KAT6B: variants seen among roughly 807,000 people sequenced by gnomAD.
The protein encoded by KAT6B is lysine acetyltransferase 6B.
In KAT6B, 10 loss-of-function variants were observed where a neutral mutation model predicts 187.5. That is an observed-to-expected ratio of 0.05 (90% CI 0.03 to 0.09). KAT6B has a LOEUF of 0.09. Ranked by LOEUF, KAT6B falls within the 10% of genes least tolerant of loss-of-function variation. The pLI, the probability that KAT6B is intolerant of heterozygous loss-of-function variation, is 1.00. For synonymous variants in KAT6B, 861 were observed against 926.8 expected (o/e 0.93, Z 1.29); for missense variants, 1,952 against 2,558.9 (o/e 0.76, Z 5.12).
At chr10:74,996,537 G>A (rs765049801) in intron 13 of KAT6B, among the ~76,000 whole-genome samples, 22 of 152,010 alleles carry the variant, frequency 1.4e-4, no homozygotes, top group Non-Finnish European at 2.6e-4. Flanking sequence ...GTGGGAGGCC[G>A]AGGCAGGCAG....
chr10:74,982,017 A>G, intron 11 of KAT6B, 89 bp downstream of exon 11: 1 of 1,223,436 alleles, frequency 8.2e-7, no homozygotes. Context: ...TAGAAGGTAC[A>G]AAGTATACTT....
chr10:74,981,557 A>G, intron 10 of KAT6B, among the ~76,000 whole-genome samples: 1 of 152,048 alleles, frequency 6.6e-6, no homozygotes, highest in East Asian at 1.9e-4. Flanking sequence ...CATTTTTAGT[A>G]GTGATGAGGT....
Position 74,842,701 on chromosome 10 carries a change from C to T in KAT6B, c.-157C>T. ...ATTGCCTGTTTGTCTGCTTTTGAAT[C>T]TCTTAAGGATGGATGTTTGTAAGAT... On this transcript the variant is annotated 5_prime_UTR_variant, in exon 3 of 18. Transcript: ENST00000287239. The T allele has an allele frequency of 1.2e-6, 1 of 806,670 alleles. No individual in the cohort carries two copies. The allele number at this position is 806,670 out of a possible 1,614,324, so 50.0% of individuals were successfully genotyped here.
intron 17 of KAT6B, 33 bp downstream of exon 17, chr10:75,025,282 G>C (rs1038407488): frequency 6.2e-6 from 10 of 1,608,900 alleles, no homozygotes; most frequent in Non-Finnish European, 8.5e-6. Flanking sequence ...CCTTACCCTT[G>C]AGAATGTCTG....
rs1486972508 is a variant in KAT6B at position 74,842,680 on chromosome 10, C to G, written c.-178C>G. On this transcript the variant is annotated 5_prime_UTR_variant, in exon 3 of 18. Transcript: ENST00000287239. ...TAAAATAAGACAACCATCAACATTG[C>G]CTGTTTGTCTGCTTTTGAATCTCTT... 2 of 690,932 alleles carry G rather than the reference C, an allele frequency of 2.9e-6. No homozygotes were observed. The highest frequency in any genetic ancestry group is 5.0e-6 in the Non-Finnish European group (2 of 400,924). The allele number at this position is 690,932 out of a possible 1,614,324, so 42.8% of individuals were successfully genotyped here. A position where few individuals can be genotyped will look rare whatever the true frequency, so the allele number is the denominator to read the frequency against.
chr10:74,895,960 GTTT>G (rs911440222), intron 3 of KAT6B, among the ~76,000 whole-genome samples: 13 of 150,606 alleles, frequency 8.6e-5, no homozygotes, highest in South Asian at 8.4e-4. Flanking sequence ...TGTTGTTGTT[GTTT>G]TTTTTTGCCT....
intron 3 of KAT6B, among the ~76,000 whole-genome samples, chr10:74,856,826 A>G (rs573857113): frequency 1.3e-5 from 2 of 152,252 alleles, no homozygotes; most frequent in African/African-American, 4.8e-5. Flanking sequence ...GCTTGAATCC[A>G]GGAGATGGAG....
rs753128628 is a variant in KAT6B at position 74,975,557 on chromosome 10, C to G, written c.1220C>G (p.Pro407Arg). Residue 407 changes from proline (P) to arginine (R), a missense_variant, in exon 8 of 18, where the codon CCT (proline) becomes CGT (arginine). Pro to Arg is a moderately radical substitution (Grantham distance 103). This residue lies in a region of KAT6B where 417 missense variants were observed against 508.9 expected (regional missense o/e 0.82). Transcript: ENST00000287239. ...SRLAVTDPTR[P>R]GATTKITTTS... ...TTGGCTGTTACAGACCCCACTCGGCCTGGTGCCACCACCAAAATCACCACC... is the reference window on the plus strand; with the variant it reads ...TTGGCTGTTACAGACCCCACTCGGCGTGGTGCCACCACCAAAATCACCACC... 11 of 1,613,916 alleles carry G rather than the reference C, an allele frequency of 6.8e-6. No individual in the cohort carries two copies. Among genetic ancestry groups the G allele is most frequent in the Non-Finnish European group, 8.5e-6 (10 of 1,180,032 alleles).
chr10:74,960,292 T>C (rs1416726297), intron 4 of KAT6B, among the ~76,000 whole-genome samples: 2 of 152,170 alleles, frequency 1.3e-5, no homozygotes, highest in African/African-American at 4.8e-5. Flanking sequence ...TATAATACTA[T>C]ACATATTTAT....
chr10:74,908,955 GA>G (rs1305745159), intron 3 of KAT6B, among the ~76,000 whole-genome samples: 1 of 152,166 alleles, frequency 6.6e-6, no homozygotes, highest in African/African-American at 2.4e-5. Flanking sequence ...TTTGGTCTCT[GA>G]ACCAAGGTTT....
chr10:74,850,987 C>G (rs548137087), intron 3 of KAT6B, among the ~76,000 whole-genome samples: 13 of 152,198 alleles, frequency 8.5e-5, no homozygotes, highest in African/African-American at 3.1e-4. Flanking sequence ...CTTTCAGTAT[C>G]AAGTAGGGCT....
intron 1 of KAT6B, among the ~76,000 whole-genome samples, chr10:74,833,351 C>T (rs1430314821): frequency 6.6e-6 from 1 of 151,976 alleles, no homozygotes; most frequent in Non-Finnish European, 1.5e-5. Flanking sequence ...ATCAGTGTAC[C>T]CTGGCTCCAA....
chr10:74,868,769 C>T (rs1843715477), intron 3 of KAT6B, among the ~76,000 whole-genome samples: 1 of 152,170 alleles, frequency 6.6e-6, no homozygotes, highest in Non-Finnish European at 1.5e-5. Flanking sequence ...TTTATATATG[C>T]TCTTTCATTT....
intron 10 of KAT6B, among the ~76,000 whole-genome samples, chr10:74,981,352 T>TTTC (rs1554836831): frequency 9.2e-4 from 100 of 108,606 alleles, no homozygotes; most frequent in African/African-American, 4.6e-3. Context: ...TCTTCCTTTC[T>TTTC]TTCCTTTCTT....
intron 3 of KAT6B, among the ~76,000 whole-genome samples, chr10:74,868,495 C>T (rs937021344): frequency 6.6e-6 from 1 of 152,230 alleles, no homozygotes; most frequent in South Asian, 2.1e-4. Flanking sequence ...TTATCTTGAG[C>T]TGATCCTTTT....
chr10:74,875,732 C>G (rs1370117161), intron 3 of KAT6B, among the ~76,000 whole-genome samples: 1 of 152,180 alleles, frequency 6.6e-6, no homozygotes, highest in Non-Finnish European at 1.5e-5. Flanking sequence ...TCCCAGAGTG[C>G]TGGGATTACA....
chr10:74,910,604 C>A (rs1310499992), intron 3 of KAT6B, among the ~76,000 whole-genome samples: 2 of 147,438 alleles, frequency 1.4e-5, no homozygotes, highest in African/African-American at 2.7e-5. Flanking sequence ...TTTCTTCTTT[C>A]ACATTTTTTC....
rs748300206 is a variant in KAT6B at position 75,030,394 on chromosome 10, G to T, written c.5570G>T (p.Gly1857Val). The T allele has an allele frequency of 6.2e-7, 1 of 1,614,028 alleles. No individual in the cohort carries two copies. The highest frequency in any genetic ancestry group is 1.3e-5 in the African/African-American group (1 of 74,894). The change falls in exon 18 of 18, where the codon GGG becomes GTG. Residue 1857 changes from glycine (G) to valine (V), a missense_variant. Around this residue, in one of 9 missense-constraint regions of KAT6B, gnomAD observed 358 missense variants for 436.3 expected, o/e 0.82. Coordinates refer to ENST00000287239, the MANE Select transcript of KAT6B (RefSeq NM_012330.4). The surrounding 1 kb of genome is among the most constrained non-coding windows in gnomAD (Gnocchi z 4.8). ...TTGTCCACACCATTAAGTAACACAGGGCTTGTTCAACTTTCTCAGTCTCCA... is the reference window on the plus strand; with the variant it reads ...TTGTCCACACCATTAAGTAACACAGTGCTTGTTCAACTTTCTCAGTCTCCA... The part of the protein sequence containing the change: ...ASLSTPLSNT[G>V]LVQLSQSPHS...
In KAT6B at chr10:74,979,139, A is replaced by G. The variant is rs375707562; in HGVS notation, c.2116-85A>G. The G allele has an allele frequency of 1.2e-4, 103 of 863,824 alleles. 1 individual carries two copies. The East Asian group carries it at 2.4e-3, about 20-fold the overall frequency. The allele number at this position is 863,824 out of a possible 1,614,324, so 53.5% of individuals were successfully genotyped here. A position where few individuals can be genotyped will look rare whatever the true frequency, so the allele number is the denominator to read the frequency against. On this transcript the variant is annotated intron_variant, in intron 9 of 17. Coordinates refer to ENST00000287239, the MANE Select transcript of KAT6B (RefSeq NM_012330.4). Reference sequence around the variant, plus strand: ...AATTAAGATTAGTGTTCTGATCTTGATAAGTTTTGATAGTCACTGGTGAAA... The same window carrying G: ...AATTAAGATTAGTGTTCTGATCTTGGTAAGTTTTGATAGTCACTGGTGAAA...
Sources: allele counts gnomAD v4.1 joint callset (sites outside exome capture counted in the v4.1 genomes callset), GRCh38; gene constraint gnomAD v4.1.1; regional missense constraint gnomAD v4.1.1; non-coding constraint Gnocchi (gnomAD v3.1); transcripts MANE v1.5; gene names NCBI Gene and HGNC (gene_info 2026-07-23, HGNC 2026-07-21).